LIN54: variants seen among roughly 807,000 people sequenced by gnomAD.
The protein encoded by LIN54 is lin-54 DREAM MuvB core complex component.
In LIN54, 9 loss-of-function variants were observed where a neutral mutation model predicts 78.7. That is an observed-to-expected ratio of 0.11 (90% CI 0.07 to 0.20). The LOEUF is 0.20. Ranked by LOEUF, LIN54 falls within the 10% of genes least tolerant of loss-of-function variation. The pLI, the probability that LIN54 is intolerant of heterozygous loss-of-function variation, is 1.00. For synonymous variants in LIN54, 269 were observed against 318.4 expected, an observed-to-expected ratio of 0.84 and a Z score of 1.65; for missense variants, 573 against 889.9, an observed-to-expected ratio of 0.64 and a Z score of 4.53.
chr4:82,942,114 G>A (rs1416371832), intron 5 of LIN54, among the ~76,000 whole-genome samples: 2 of 148,182 alleles, frequency 1.3e-5, no homozygotes, highest in South Asian at 2.2e-4. Context: ...TAGATAGAAA[G>A]GCTACTATGA....
intron 1 of LIN54, among the ~76,000 whole-genome samples, chr4:83,002,315 C>T (rs1232631610): frequency 7.3e-5 from 11 of 150,728 alleles, no homozygotes; most frequent in African/African-American, 2.4e-4. Context: ...GCATGAGGAT[C>T]GCCTAAGCCC....
intron 1 of LIN54, among the ~76,000 whole-genome samples, chr4:82,992,650 G>A (rs151264369): frequency 6.8e-4 from 104 of 152,210 alleles, no homozygotes; most frequent in African/African-American, 2.4e-3. Flanking sequence ...GAATTCCCAG[G>A]CTCAAGCAAT....
intron 12 of LIN54, among the ~76,000 whole-genome samples, chr4:82,929,474 A>AT (rs1038203380): frequency 2.0e-5 from 3 of 152,112 alleles, no homozygotes; most frequent in African/African-American, 7.2e-5. Context: ...GTCAAAAACC[A>AT]TTTGCTGTTT....
chr4:82,999,895 T>G (rs1208548221), intron 1 of LIN54, among the ~76,000 whole-genome samples: 1 of 151,946 alleles, frequency 6.6e-6, no homozygotes, highest in Admixed American at 6.6e-5. Context: ...ACAGGTTTTT[T>G]GTTTTGTTGT....
At chr4:82,979,510 T>A (rs956564025) in intron 2 of LIN54, among the ~76,000 whole-genome samples, 1 of 152,116 alleles carries the variant, frequency 6.6e-6, no homozygotes, top group Non-Finnish European at 1.5e-5. Context: ...CAGGAGTAGA[T>A]TAAGGGAGAA....
intron 5 of LIN54, among the ~76,000 whole-genome samples, chr4:82,945,147 G>A (rs192041264): frequency 2.4e-4 from 37 of 152,002 alleles, no homozygotes; most frequent in African/African-American, 5.5e-4. Context: ...GAGCCACAGC[G>A]CCTGATCTAC....
chr4:82,948,326 C>T (rs573773588), intron 4 of LIN54, among the ~76,000 whole-genome samples: 2 of 152,268 alleles, frequency 1.3e-5, no homozygotes, highest in East Asian at 3.8e-4. Flanking sequence ...GATCTAACAA[C>T]CACACTATGA....
At chr4:82,989,163 G>A (rs1727446722) in intron 1 of LIN54, among the ~76,000 whole-genome samples, 1 of 151,818 alleles carries the variant, frequency 6.6e-6, no homozygotes, top group Admixed American at 6.6e-5. Flanking sequence ...ACTCCAGCCT[G>A]GGCAACAGAG....
intron 4 of LIN54, among the ~76,000 whole-genome samples, chr4:82,947,221 A>ATTTTTTTTTT (rs1560733190): frequency 7.2e-5 from 1 of 13,838 alleles, no homozygotes; most frequent in African/African-American, 2.4e-4. Flanking sequence ...ATATATATAT[A>ATTTTTTTTTT]TATATATATA....
At chr4:82,946,155 A>G in intron 5 of LIN54, 103 bp downstream of exon 5, 1 of 956,022 alleles carries the variant, frequency 1.0e-6, no homozygotes, top group Non-Finnish European at 1.7e-6. Flanking sequence ...GCTCAAACTC[A>G]GTTGAAATGC....
intron 8 of LIN54, 80 bp from the exon 9 acceptor site, chr4:82,937,378 A>T: frequency 1.2e-6 from 1 of 864,716 alleles, no homozygotes; most frequent in Non-Finnish European, 1.8e-6. Flanking sequence ...ACTAATTTAA[A>T]ATTTAAAAAA....
In LIN54 at chr4:82,984,772, C is replaced by T; in HGVS notation, c.73G>A (p.Asp25Asn). 2 of 1,613,960 alleles carry T rather than the reference C, an allele frequency of 1.2e-6. No individual in the cohort carries two copies. The highest frequency in any genetic ancestry group is 2.2e-5 in the South Asian group (2 of 91,076). Residue 25 changes from aspartate to asparagine, a missense_variant, in exon 2 of 13, where the codon GAT (aspartate) becomes AAT (asparagine). Transcript: ENST00000340417. ...EIMDTGITLV[D>N]DDSIEAVIVS... The stretch of plus-strand genomic sequence containing the variant: ...ATAACAGCCTCAATACTATCATCAT[C>T]CACTAAAGTTATACCAGTGTCCATT...
chr4:82,942,196 A>G (rs534397965), intron 5 of LIN54, among the ~76,000 whole-genome samples: 4 of 152,304 alleles, frequency 2.6e-5, no homozygotes, highest in African/African-American at 4.8e-5. Context: ...AAAAAAGCTG[A>G]GAGTCCTAGA....
At chr4:82,972,561 G>C (rs1330909324) in intron 3 of LIN54, among the ~76,000 whole-genome samples, 1 of 152,128 alleles carries the variant, frequency 6.6e-6, no homozygotes, top group East Asian at 1.9e-4. Context: ...TGTGAGATAA[G>C]TATGAAGCCC....
rs1030402022 is a variant in LIN54 at position 82,927,558 on chromosome 4, C to T, written c.*544G>A. The stretch of plus-strand genomic sequence containing the variant: ...GGGATTGTTTCCCCTTCTGACATTC[C>T]CAAAGTGACAACAGGATATTATTCC... On this transcript the variant is annotated 3_prime_UTR_variant, in exon 13 of 13. Transcript: ENST00000340417. 1.3e-5 allele frequency: 2 copies of T among 152,242 alleles called. No individual in the cohort carries two copies. Among genetic ancestry groups the T allele is most frequent in the African/African-American group, 2.4e-5 (1 of 41,360 alleles). 9.4% of individuals were successfully genotyped at this position (152,242 alleles called of 1,614,324 possible).
At chr4:83,001,729 TCC>T (rs1728791483) in intron 1 of LIN54, among the ~76,000 whole-genome samples, 2 of 147,524 alleles carry the variant, frequency 1.4e-5, no homozygotes, top group Non-Finnish European at 3.0e-5. Context: ...GCGCCTGTTG[TCC>T]CAGCTACCAG....
At chr4:82,938,379 T>A (rs558705486) in intron 8 of LIN54, 34 bp downstream of exon 8, 15 of 1,181,430 alleles carry the variant, frequency 1.3e-5, no homozygotes, top group Admixed American at 1.7e-5. Flanking sequence ...TAAGCTGATC[T>A]AACAACTTAT....
intron 4 of LIN54, among the ~76,000 whole-genome samples, chr4:82,959,707 TTGTGTCCAC>T (rs1724635169): frequency 1.3e-5 from 2 of 152,182 alleles, no homozygotes; most frequent in African/African-American, 4.8e-5. Flanking sequence ...AAATTACTTC[TTGTGTCCAC>T]AGATATTACA....
chr4:82,986,288 T>C (rs1727129054), intron 1 of LIN54, among the ~76,000 whole-genome samples: 1 of 152,122 alleles, frequency 6.6e-6, no homozygotes, highest in Non-Finnish European at 1.5e-5. Context: ...GCTAATTTTT[T>C]GTATTTTTAG....
Sources: allele counts gnomAD v4.1 joint callset (sites outside exome capture counted in the v4.1 genomes callset), GRCh38; gene constraint gnomAD v4.1.1; transcripts MANE v1.5; gene names NCBI Gene and HGNC (gene_info 2026-07-23, HGNC 2026-07-21).